Variants in ADGRB2 observed in about 807,000 individuals in gnomAD.
ADGRB2 encodes adhesion G protein-coupled receptor B2.
Under a neutral mutation model 178.7 loss-of-function variants are expected in ADGRB2, and 47 were observed. That is an observed-to-expected ratio of 0.26 (90% CI 0.21 to 0.34). The LOEUF (loss-of-function observed/expected upper bound fraction) is 0.34. Ranked by LOEUF, ADGRB2 falls within the 10% of genes least tolerant of loss-of-function variation. The pLI is 1.00. For synonymous variants in ADGRB2, 870 were observed against 912.4 expected (o/e 0.95, Z 0.84); for missense variants, 1,584 against 2,180.8 (o/e 0.73, Z 5.45).
In ADGRB2 at chr1:31,732,934, G is replaced by A. The variant is rs900845434; in HGVS notation, c.3624+38C>T. ...AGGAGAAGCCAAGGGCCTGGCAGGTGTGGTGGGCACACACAGGCGGGAGAG... is the reference window on the plus strand; with the variant it reads ...AGGAGAAGCCAAGGGCCTGGCAGGTATGGTGGGCACACACAGGCGGGAGAG... On this transcript the variant is annotated intron_variant, in intron 26 of 32. Transcript: ENST00000373658. The A allele has an allele frequency of 2.6e-6, 4 of 1,541,096 alleles. No individual in the cohort carries two copies. In the South Asian group the frequency reaches 3.7e-5, roughly 14 times the overall value.
rs530314667 is a variant in ADGRB2 at position 31,727,727 on chromosome 1, T to C, written c.4573-122A>G. 1 of 1,130,146 alleles carries C rather than the reference T, an allele frequency of 8.8e-7. No individual in the cohort carries two copies. Among genetic ancestry groups the C allele is most frequent in the East Asian group, 2.6e-5 (1 of 38,004 alleles). 70.0% of individuals were successfully genotyped at this position (1,130,146 alleles called of 1,614,324 possible). On this transcript the variant is annotated intron_variant, in intron 32 of 32. Coordinates refer to ENST00000373658, the MANE Select transcript of ADGRB2 (RefSeq NM_001364857.2). The surrounding 1 kb of genome is among the most constrained non-coding windows in gnomAD (Gnocchi z 4.4). ...CCCAAAGTTATGGAGCAATCAGGTG[T>C]CAAGCAGAATTCAAATACAGACCTG...
At chr1:31,732,378 G>A (rs931983134) in intron 27 of ADGRB2, 139 bp downstream of exon 27, 2 of 1,170,226 alleles carry the variant, frequency 1.7e-6, no homozygotes, top group African/African-American at 1.5e-5. Flanking sequence ...CCACCCAGGT[G>A]TTAGTGGCTG....
At position 31,738,621 on chromosome 1, in the gene ADGRB2, C is replaced by A. The variant is rs1239678540; in HGVS notation, c.2611G>T (p.Asp871Tyr). 2 of 1,611,938 alleles carry A rather than the reference C, an allele frequency of 1.2e-6. No homozygotes were observed. The highest frequency in any genetic ancestry group is 3.3e-5 in the Admixed American group (2 of 59,732). Residue 871 changes from aspartate to tyrosine, a missense_variant, in exon 17 of 33, where the codon GAT becomes TAT. Physicochemically the swap from Asp to Tyr is radical, Grantham distance 160. This residue lies in a region of ADGRB2 where 865 missense variants were observed against 1,192.8 expected (regional missense o/e 0.73). Transcript: ENST00000373658. The stretch of plus-strand genomic sequence containing the variant: ...TAGTCCCAGCTGGCGCAATGGGGAT[C>A]CGTGGTCCCCTGGGGAGCAAAAGAC... ...ELSYIINGTT[D>Y]PHCASWDYSR...
At position 31,736,651 on chromosome 1, in the gene ADGRB2, C is replaced by T; in HGVS notation, c.3052G>A (p.Ala1018Thr). ...ATGACAGCCAGGTAGGACTGCCAGG[C>T]CTCGGTAAGCACCCAGCAAAAGGAG... is the stretch of plus-strand genomic sequence containing the variant. ...LSSFCWVLTE[A>T]WQSYLAVIGR... is the part of the protein sequence containing the mutation. The change falls in exon 21 of 33, where the codon GCC becomes ACC. Residue 1018 changes from alanine (A) to threonine (T), a missense_variant. Transcript: ENST00000373658. 2 of 1,614,104 alleles carry T rather than the reference C, an allele frequency of 1.2e-6. No individual in the cohort carries two copies. The highest frequency in any genetic ancestry group is 1.7e-6 in the Non-Finnish European group (2 of 1,179,992).
Position 31,739,338 on chromosome 1 carries a change from C to T in ADGRB2, c.2465G>A (p.Arg822His), listed in dbSNP as rs1002859055. The T allele has an allele frequency of 1.7e-5, 25 of 1,460,268 alleles. No homozygotes were observed. The highest frequency in any genetic ancestry group is 2.1e-5 in the Non-Finnish European group (23 of 1,103,478). 90.5% of individuals were successfully genotyped at this position (1,460,268 alleles called of 1,614,324 possible). ...AGGCGGCAGGATGAGGCCAAGGGTG[C>T]GGTAGAGTACAGCACCGATCACAAA... is the stretch of plus-strand genomic sequence containing the variant. ...SYFVIGAVLY[R>H]TLGLILPPPR... Residue 822 changes from arginine (R) to histidine (H), a missense_variant, in exon 15 of 33, where the codon CGC becomes CAC. Arg to His is a conservative substitution (Grantham distance 29, BLOSUM62 0). Coordinates refer to ENST00000373658, the MANE Select transcript of ADGRB2 (RefSeq NM_001364857.2).
chr1:31,749,888 G>C (rs1182505624), intron 4 of ADGRB2, among the ~76,000 whole-genome samples: 3 of 151,990 alleles, frequency 2.0e-5, no homozygotes, highest in Admixed American at 2.0e-4. Flanking sequence ...CTGCACTCCA[G>C]TCTGGAAGAC....
chr1:31,763,470 G>A (rs1307387053), intron 1 of ADGRB2, among the ~76,000 whole-genome samples: 1 of 145,128 alleles, frequency 6.9e-6, no homozygotes, highest in Non-Finnish European at 1.5e-5. Context: ...GGAAATAGAG[G>A]GGGAGACACA....
At position 31,738,200 on chromosome 1, in the gene ADGRB2, C is replaced by T. The variant is rs1360079901; in HGVS notation, c.2772G>A (p.Leu924=). The part of the protein sequence containing the change: ...FAVLAQPPKD[L]TLELAGSPSV... ...GCCCAGGCACCTCTGTTCCACTCAC[C>T]AGGTCCTTGGGCGGCTGGGCTAGTA... is the stretch of plus-strand genomic sequence containing the variant. Residue 924 remains leucine, a splice_region_variant and synonymous_variant, in exon 18 of 33, where the codon CTG becomes CTA. Transcript: ENST00000373658. 2.5e-6 allele frequency: 4 copies of T among 1,614,104 alleles called. No individual in the cohort carries two copies. The highest frequency in any genetic ancestry group is 8.5e-7 in the Non-Finnish European group (1 of 1,180,004).
chr1:31,731,346 C>G lies in ADGRB2; in HGVS notation c.3834G>C (p.Glu1278Asp). 6.2e-7 allele frequency: 1 copy of G among 1,612,998 alleles called. No homozygotes were observed. Residue 1278 changes from glutamate to aspartate, a missense_variant, in exon 29 of 33, where the codon GAG (glutamate) becomes GAC (aspartate). By Grantham distance (45) the Glu-to-Asp change is conservative. Transcript: ENST00000373658. ...CGAGGCAGGACTTGGGCTCCTCATC[C>G]TCATCCAGGGACAGGCGGGATAGTG... ...TGTLSRLSLD[E>D]DEEPKSCLVG...
Position 31,753,017 on chromosome 1 carries a change from C to A in ADGRB2, c.838+2982G>T, listed in dbSNP as rs1419743137. On this transcript the variant is annotated intron_variant, in intron 4 of 32. Coordinates refer to ENST00000373658, the MANE Select transcript of ADGRB2 (RefSeq NM_001364857.2). This position sits in a 1 kb window ranked among gnomAD's most constrained non-coding sequence, Gnocchi z 4.1. ...GATTGTGGCCAAGGAGAGAGGCGTG[C>A]ATGAGGCGGGGTTCTTTCTCCCAAG... 6.6e-6 allele frequency among the ~76,000 whole-genome samples: 1 copy of A among 152,148 alleles called. No homozygotes were observed. Among genetic ancestry groups the A allele is most frequent in the Non-Finnish European group, 1.5e-5 (1 of 68,014 alleles).
In ADGRB2 at chr1:31,741,928, A is replaced by T; in HGVS notation, c.1457T>A (p.Leu486Gln). Residue 486 changes from leucine (L) to glutamine (Q), a missense_variant, in exon 9 of 33, where the codon CTG becomes CAG. By Grantham distance (113) the Leu-to-Gln change is moderately radical. Coordinates refer to ENST00000373658, the MANE Select transcript of ADGRB2 (RefSeq NM_001364857.2). This position sits in a 1 kb window ranked among gnomAD's most constrained non-coding sequence, Gnocchi z 6.5. ...GCCTGTGTCACACGTCTTAGAGCAC[A>T]GGCTCCACGCATTCCATGGCCCCCA... ...SKWGPWNAWS[L>Q]CSKTCDTGWQ... 1 of 1,606,038 alleles carries T rather than the reference A, an allele frequency of 6.2e-7. No individual in the cohort carries two copies.
Position 31,744,267 on chromosome 1 carries a change from G to T in ADGRB2, c.1013C>A (p.Ser338Tyr), listed in dbSNP as rs1217810625. 6.4e-7 allele frequency: 1 copy of T among 1,551,304 alleles called. No individual in the cohort carries two copies. Among genetic ancestry groups the T allele is most frequent in the Admixed American group, 2.0e-5 (1 of 50,904 alleles). The stretch of plus-strand genomic sequence containing the variant: ...GCTGCACAGGGTCCCATAGGGGGAG[G>T]ACACACAGGAGCGGGTCCGCACCTG... The part of the protein sequence containing the change: ...GLQVRTRSCV[S>Y]SPYGTLCSGP... Residue 338 changes from serine to tyrosine, a missense_variant, in exon 6 of 33, where the codon TCC (serine) becomes TAC (tyrosine). Ser to Tyr is a moderately radical substitution (Grantham distance 144). Around this residue, in one of 3 missense-constraint regions of ADGRB2, gnomAD observed 657 missense variants for 847.6 expected, o/e 0.78. Transcript: ENST00000373658. This position sits in a 1 kb window ranked among gnomAD's most constrained non-coding sequence, Gnocchi z 6.7.
intron 20 of ADGRB2, among the ~76,000 whole-genome samples, chr1:31,737,104 G>T (rs1454309930): frequency 6.6e-6 from 1 of 152,172 alleles, no homozygotes; most frequent in African/African-American, 2.4e-5. Context: ...TCGTCCACAG[G>T]TAGGTGGCAA....
In ADGRB2 at chr1:31,740,267, C is replaced by A; in HGVS notation, c.1989+80G>T. On this transcript the variant is annotated intron_variant, in intron 12 of 32. Coordinates refer to ENST00000373658, the MANE Select transcript of ADGRB2 (RefSeq NM_001364857.2). The surrounding 1 kb of genome is among the most constrained non-coding windows in gnomAD (Gnocchi z 5.9). The stretch of plus-strand genomic sequence containing the variant: ...ATAGCCACACTTGCCGCCTCTACAG[C>A]AGACTCTGCCTAGGGGCCTGGCCTC... 1 of 1,606,576 alleles carries A rather than the reference C, an allele frequency of 6.2e-7. No individual in the cohort carries two copies.
chr1:31,736,023 G>A, intron 22 of ADGRB2, 130 bp from the exon 23 acceptor site: 1 of 1,022,386 alleles, frequency 9.8e-7, no homozygotes, highest in African/African-American at 1.6e-5. Flanking sequence ...GACGGTGAGA[G>A]TGAGCCACTG....
At chr1:31,746,535 G>A (rs1180850495) in intron 4 of ADGRB2, among the ~76,000 whole-genome samples, 1 of 152,124 alleles carries the variant, frequency 6.6e-6, no homozygotes, top group Non-Finnish European at 1.5e-5. Flanking sequence ...CAGCTTCAGG[G>A]GCTCCACATC....
At position 31,733,976 on chromosome 1, in the gene ADGRB2, G is replaced by A. The variant is rs1645435383; in HGVS notation, c.3453-833C>T. ...TCTCCTTCGCAAACACCCCCAGTGG[G>A]AGAGTCAGGCACAGCTCTAGGCATG... On this transcript the variant is annotated intron_variant, in intron 25 of 32. Coordinates refer to ENST00000373658, the MANE Select transcript of ADGRB2 (RefSeq NM_001364857.2). The surrounding 1 kb of genome is among the most constrained non-coding windows in gnomAD (Gnocchi z 4.3). Among the ~76,000 whole-genome samples, 1 of 152,252 alleles carries A rather than the reference G, an allele frequency of 6.6e-6. No individual in the cohort carries two copies. Among genetic ancestry groups the A allele is most frequent in the East Asian group, 1.9e-4 (1 of 5,194 alleles).
In ADGRB2 at chr1:31,757,213, A is replaced by G. The variant is rs576855418; in HGVS notation, c.9T>C (p.Asn3=). The change falls in exon 3 of 33, where the codon AAT becomes AAC. Residue 3 remains asparagine (N), a synonymous_variant. Coordinates refer to ENST00000373658, the MANE Select transcript of ADGRB2 (RefSeq NM_001364857.2). ...GCCCCAGCCTCACCATCCAACCTGT[A>G]TTCTCCATAACTCTTGCTCTCCATC... is the stretch of plus-strand genomic sequence containing the variant. ME[N]TGWMGKGHRM... 6.2e-7 allele frequency: 1 copy of G among 1,614,168 alleles called. No homozygotes were observed. The highest frequency in any genetic ancestry group is 1.1e-5 in the South Asian group (1 of 91,088).
At chr1:31,757,072 C>A (rs970564059) in intron 3 of ADGRB2, 129 bp downstream of exon 3, 4 of 1,495,776 alleles carry the variant, frequency 2.7e-6, no homozygotes, top group Admixed American at 1.7e-5. Flanking sequence ...AAAGGACTCG[C>A]GAGAGTGCCT....
Sources: allele counts gnomAD v4.1 joint callset (sites outside exome capture counted in the v4.1 genomes callset), GRCh38; gene constraint gnomAD v4.1.1; regional missense constraint gnomAD v4.1.1; non-coding constraint Gnocchi (gnomAD v3.1); transcripts MANE v1.5; gene names NCBI Gene and HGNC (gene_info 2026-07-23, HGNC 2026-07-21).